The following ADAR variants were observed in gnomAD, a reference collection of about 807,000 sequenced individuals.
ADAR encodes double-stranded RNA-specific adenosine deaminase.
A neutral mutation model predicts 113.2 loss-of-function variants in ADAR; 41 were observed. That is an observed-to-expected ratio of 0.36 (90% CI 0.28 to 0.47). The LOEUF is 0.47. Among genes scored for constraint, ADAR ranks in the 20% least tolerant of loss-of-function variants. The probability of loss-of-function intolerance (pLI) is 1.00; values close to 1 mark genes in which losing one functional copy is unlikely to be tolerated. For missense variants in ADAR, 1,242 were observed against 1,540.9 expected, an observed-to-expected ratio of 0.81 and a Z score of 3.25; for synonymous variants, 605 against 572.6, an observed-to-expected ratio of 1.06 and a Z score of -0.81.
At chr1:154,618,534 C>T (rs1345729795) in intron 1 of ADAR, among the ~76,000 whole-genome samples, 5 of 152,066 alleles carry the variant, frequency 3.3e-5, no homozygotes, top group Non-Finnish European at 4.4e-5. Flanking sequence ...AAGACAGCTA[C>T]GCTAATTAAA....
At chr1:154,608,299 C>T, upstream of ADAR, 1 of 480,124 alleles carries the variant, frequency 2.1e-6, no homozygotes. Flanking sequence ...CAAGTCGAAC[C>T]CCTCCGCTGC....
intron 1 of ADAR, 70 bp from the exon 2 acceptor site, chr1:154,602,696 C>A: frequency 6.3e-7 from 1 of 1,577,776 alleles, no homozygotes; most frequent in South Asian, 1.1e-5. Flanking sequence ...AGGCCCCTCC[C>A]TTTGCTGCCT....
chr1:154,589,862 G>A lies in ADAR; in HGVS notation c.2563C>T (p.Leu855=). The part of the protein sequence containing the change: ...AMLSHRCFNT[L]TNSFQPSLLG... ...AAGGAGGGCTGGAAGCTGTTAGTCA[G>A]AGTGTTGAAGCACCGGTGGCTCAGC... The change falls in exon 8 of 15, where the codon CTG becomes TTG. Residue 855 remains leucine, a synonymous_variant. Coordinates refer to ENST00000368474, the MANE Select transcript of ADAR (RefSeq NM_001111.5). 3.1e-6 allele frequency: 5 copies of A among 1,614,092 alleles called. No homozygotes were observed. Among genetic ancestry groups the A allele is most frequent in the Non-Finnish European group, 4.2e-6 (5 of 1,180,028 alleles).
chr1:154,589,961 A>G (rs776592160), intron 7 of ADAR, 33 bp from the exon 8 acceptor site: 13 of 1,612,442 alleles, frequency 8.1e-6, no homozygotes, highest in Non-Finnish European at 5.9e-6. Context: ...CAGCACCACA[A>G]AGCTGAGGCT....
chr1:154,614,185 C>T (rs1698570255), intron 1 of ADAR, among the ~76,000 whole-genome samples: 1 of 152,196 alleles, frequency 6.6e-6, no homozygotes, highest in African/African-American at 2.4e-5. Context: ...AATGTACATT[C>T]AGTCGGATAA....
At chr1:154,605,994 T>C in intron 1 of ADAR, 4 of 944,032 alleles carry the variant, frequency 4.2e-6, no homozygotes, top group Non-Finnish European at 5.0e-6. Context: ...TTCTATGGAA[T>C]AGTACTCACA....
At chr1:154,614,439 C>T (rs1315242308) in intron 1 of ADAR, among the ~76,000 whole-genome samples, 2 of 152,232 alleles carry the variant, frequency 1.3e-5, no homozygotes, top group Non-Finnish European at 2.9e-5. Context: ...TAGGGGGCTG[C>T]TCTCAGCCCC....
At chr1:154,603,459 T>G (rs138745284) in intron 1 of ADAR, among the ~76,000 whole-genome samples, 1 of 152,284 alleles carries the variant, frequency 6.6e-6, no homozygotes, top group Non-Finnish European at 1.5e-5. Flanking sequence ...CCTGGATGTG[T>G]GGAGCTGGCA....
At chr1:154,590,880 G>A (rs1444186025) in intron 6 of ADAR, among the ~76,000 whole-genome samples, 1 of 152,062 alleles carries the variant, frequency 6.6e-6, no homozygotes, top group Non-Finnish European at 1.5e-5. Flanking sequence ...CTTGAGCCCT[G>A]GAGGTCAAGG....
chr1:154,606,827 T>C (rs541859884), intron 1 of ADAR, among the ~76,000 whole-genome samples: 32 of 152,088 alleles, frequency 2.1e-4, no homozygotes, highest in East Asian at 5.8e-4. Context: ...AGATAAGCAC[T>C]ACCCCCTTTG....
intron 1 of ADAR, among the ~76,000 whole-genome samples, chr1:154,627,411 T>C (rs529710049): frequency 7.9e-5 from 12 of 152,168 alleles, no homozygotes; most frequent in Non-Finnish European, 1.0e-4. Context: ...CAGTTTGTGG[T>C]AGAAGGCGCA....
At chr1:154,618,071 ATATAGTAATATATACATTAC>A (rs905799495) in intron 1 of ADAR, among the ~76,000 whole-genome samples, 4 of 150,578 alleles carry the variant, frequency 2.7e-5, no homozygotes, top group Admixed American at 6.6e-5. Flanking sequence ...TATATTCTTT[ATATAGTAATATATACATTAC>A]TATAGTAATA....
In ADAR at chr1:154,597,973, C is replaced by A. The variant is rs1238113107; in HGVS notation, c.1789G>T (p.Ala597Ser). 1 of 1,613,494 alleles carries A rather than the reference C, an allele frequency of 6.2e-7. No individual in the cohort carries two copies. The highest frequency in any genetic ancestry group is 8.5e-7 in the Non-Finnish European group (1 of 1,179,800). ...GAAGGGGTGGGGGTCTGGGACTCTGCAGTCTAGAGAAAATGAGAGACAAGA... is the reference window on the plus strand; with the variant it reads ...GAAGGGGTGGGGGTCTGGGACTCTGAAGTCTAGAGAAAATGAGAGACAAGA... The part of the protein sequence containing the change: ...YSTEKESEKT[A>S]ESQTPTPSAT... The change falls in exon 4 of 15, where the codon GCA becomes TCA. Residue 597 changes from alanine (A) to serine (S), a missense_variant. Ala to Ser is a moderately conservative substitution (Grantham distance 99). Transcript: ENST00000368474.
At chr1:154,590,019 G>C (rs115161953) in intron 7 of ADAR, 91 bp from the exon 8 acceptor site, 2 of 1,546,840 alleles carry the variant, frequency 1.3e-6, no homozygotes, top group African/African-American at 1.4e-5. Flanking sequence ...TCTACTTGTC[G>C]TGTGAGTCAT....
chr1:154,587,048 TCA>T (rs748127894), intron 11 of ADAR, among the ~76,000 whole-genome samples: 9 of 152,222 alleles, frequency 5.9e-5, no homozygotes, highest in Non-Finnish European at 1.2e-4. Context: ...TTTAGTATAT[TCA>T]CAGAGTTCTG....
intron 5 of ADAR, 41 bp from the exon 6 acceptor site, chr1:154,597,036 C>A (rs775535927): frequency 6.2e-7 from 1 of 1,614,080 alleles, no homozygotes. Flanking sequence ...ATAAACACTT[C>A]AGGAAATGTT....
chr1:154,625,935 T>G (rs542921250), intron 1 of ADAR, among the ~76,000 whole-genome samples: 1 of 135,886 alleles, frequency 7.4e-6, no homozygotes, highest in South Asian at 2.3e-4. Flanking sequence ...ACCCGGGAGG[T>G]AGAGTTTGCA....
At chr1:154,589,562 TCA>T in intron 8 of ADAR, 100 bp from the exon 9 acceptor site, 5 of 1,232,042 alleles carry the variant, frequency 4.1e-6, no homozygotes, top group Non-Finnish European at 5.9e-6. Context: ...AGAAACAGCC[TCA>T]GTTTCTCAGA....
At chr1:154,590,028 A>G (rs1697024999) in intron 7 of ADAR, 100 bp from the exon 8 acceptor site, 2 of 1,532,696 alleles carry the variant, frequency 1.3e-6, no homozygotes, top group Non-Finnish European at 9.0e-7. Flanking sequence ...CGTGTGAGTC[A>G]TCTTTTCCTT....
Sources: gnomAD v4.1 joint callset for allele counts (sites outside exome capture counted in the v4.1 genomes callset) on GRCh38, gnomAD v4.1.1 for gene constraint, MANE v1.5 for transcripts, NCBI Gene and HGNC (gene_info 2026-07-23, HGNC 2026-07-21) for gene names.